Variants in RPL23A observed in about 807,000 individuals in gnomAD.
The protein encoded by RPL23A is ribosomal protein L23a, also known as large ribosomal subunit protein uL23.
Under a neutral mutation model 17.6 loss-of-function variants are expected in RPL23A, and 2 were observed. That is an observed-to-expected ratio of 0.11 (90% CI 0.05 to 0.36). The LOEUF (loss-of-function observed/expected upper bound fraction) is 0.36. Among genes scored for constraint, RPL23A ranks in the 10% least tolerant of loss-of-function variants. The probability of loss-of-function intolerance (pLI) is 1.00; values close to 1 mark genes in which losing one functional copy is unlikely to be tolerated. For missense variants in RPL23A, 132 were observed against 194.4 expected, an observed-to-expected ratio of 0.68 and a Z score of 1.91; for synonymous variants, 65 against 74.3, an observed-to-expected ratio of 0.87 and a Z score of 0.65.
At chr17:28,723,217 G>A (rs1320513254) in intron 3 of RPL23A, 2 of 532,862 alleles carry the variant, frequency 3.8e-6, no homozygotes, top group Non-Finnish European at 6.7e-6. Flanking sequence ...CCTTGAGGCA[G>A]GAATTACAGG....
At chr17:28,722,282 G>A (rs1007601304) in intron 2 of RPL23A, 3 of 236,514 alleles carry the variant, frequency 1.3e-5, no homozygotes, top group South Asian at 4.9e-5. Context: ...CCCCTGGCCC[G>A]ATTCTCCTGC....
chr17:28,722,556 T>TG (rs765855934), intron 2 of RPL23A, 167 bp from the exon 3 acceptor site: 1 of 773,502 alleles, frequency 1.3e-6, no homozygotes, highest in East Asian at 2.5e-5. Flanking sequence ...CCCCTGGGAT[T>TG]GGGGCTTCAG....
chr17:28,723,956 T>A lies in RPL23A; in HGVS notation c.*75T>A. 1 of 1,136,610 alleles carries A rather than the reference T, an allele frequency of 8.8e-7. No homozygotes were observed. Among genetic ancestry groups the A allele is most frequent in the Non-Finnish European group, 1.2e-6 (1 of 802,138 alleles). 70.4% of individuals were successfully genotyped at this position (1,136,610 alleles called of 1,614,324 possible). A position where few individuals can be genotyped will look rare whatever the true frequency, so the allele number is the denominator to read the frequency against. ...ACCATATACATGCCTGTCTGTCAAT[T>A]TCTGGTTGGGCTGGGAGGCCACACA... On this transcript the variant is annotated 3_prime_UTR_variant, in exon 5 of 5. Coordinates refer to ENST00000422514, the MANE Select transcript of RPL23A (RefSeq NM_000984.6).
chr17:28,720,602 G>C, intron 1 of RPL23A, 105 bp from the exon 2 acceptor site: 1 of 1,400,428 alleles, frequency 7.1e-7, no homozygotes. Context: ...GTCTTCAAAG[G>C]AACCACTGAT....
Position 28,720,756 on chromosome 17 carries a change from G to A in RPL23A, c.75G>A (p.Lys25=), listed in dbSNP as rs1051962125. ...CCAAAGCGAAGGCTTTAAAGGCCAA[G>A]AAGGCAGTGTTGAAAGGTGTCCACA... The part of the protein sequence containing the change: ...AEAKAKALKA[K]KAVLKGVHSH... Residue 25 remains lysine, a synonymous_variant, in exon 2 of 5, where the codon AAG becomes AAA. Coordinates refer to ENST00000422514, the MANE Select transcript of RPL23A (RefSeq NM_000984.6). The A allele has an allele frequency of 2.5e-6, 4 of 1,613,778 alleles. No homozygotes were observed. The African/African-American group carries it at 5.3e-5, about 22-fold the overall frequency.
chr17:28,720,519 C>CT, intron 1 of RPL23A, 188 bp from the exon 2 acceptor site: 1 of 1,521,616 alleles, frequency 6.6e-7, no homozygotes, highest in Non-Finnish European at 9.1e-7. Flanking sequence ...CCTGGAGTTA[C>CT]TTAGAGTTGG....
chr17:28,720,357 C>A, intron 1 of RPL23A: 2 of 1,554,800 alleles, frequency 1.3e-6, no homozygotes, highest in Non-Finnish European at 1.7e-6. Flanking sequence ...CAGCTTTAAC[C>A]ATTTTCCTTC....
chr17:28,723,163 G>A lies in RPL23A; in HGVS notation c.386+264G>A, dbSNP rs114670239. ...CTGGACCTTTCAGCAGGGGAAAAAGGTTCCTTGACTTAAACTTGGTGTAGG... is the reference window on the plus strand; with the variant it reads ...CTGGACCTTTCAGCAGGGGAAAAAGATTCCTTGACTTAAACTTGGTGTAGG... On this transcript the variant is annotated intron_variant, in intron 3 of 4. Transcript: ENST00000422514. The A allele has an allele frequency of 9.1e-4, 483 of 532,096 alleles. 4 individuals are homozygous for A. The highest frequency in any genetic ancestry group is 7.4e-3 in the African/African-American group (389 of 52,394). 33.0% of individuals were successfully genotyped at this position (532,096 alleles called of 1,614,324 possible).
At chr17:28,722,455 C>T in intron 2 of RPL23A, 1 of 565,474 alleles carries the variant, frequency 1.8e-6, no homozygotes, top group Non-Finnish European at 3.4e-6. Flanking sequence ...GGGAATACAG[C>T]CATGAGCCAG....
intron 2 of RPL23A, chr17:28,721,300 GCGGAGATCGTA>G (rs1305148799): frequency 5.4e-6 from 1 of 185,886 alleles, no homozygotes; most frequent in Non-Finnish European, 1.2e-5. Context: ...GTTGCGGTGA[GCGGAGATCGTA>G]CCATTGCATT....
intron 1 of RPL23A, chr17:28,720,243 C>T (rs970663002): frequency 1.9e-6 from 3 of 1,540,116 alleles, no homozygotes; most frequent in Non-Finnish European, 2.6e-6. Context: ...GGCAACGCGG[C>T]AGGCATCATC....
intron 4 of RPL23A, 49 bp downstream of exon 4, chr17:28,723,689 A>G (rs368791126): frequency 6.5e-7 from 1 of 1,540,296 alleles, no homozygotes; most frequent in Non-Finnish European, 9.0e-7. Context: ...TTGGGTGCAA[A>G]TGATGCATAT....
chr17:28,722,562 T>G, intron 2 of RPL23A, 161 bp from the exon 3 acceptor site: 1 of 779,018 alleles, frequency 1.3e-6, no homozygotes. Flanking sequence ...GGATTGGGGC[T>G]TCAGGCCCTT....
In RPL23A at chr17:28,720,846, G is replaced by C. The variant is rs1597795627; in HGVS notation, c.165G>C (p.Arg55=). The stretch of plus-strand genomic sequence containing the variant: ...GGCGGCCGAAGACACTGCGACTCCG[G>C]AGACAGCCCAAATATCCTCGGAAGA... ...TFRRPKTLRL[R]RQPKYPRKSA... is the part of the protein sequence containing the mutation. Residue 55 remains arginine (R), a synonymous_variant, in exon 2 of 5, where the codon CGG becomes CGC. Coordinates refer to ENST00000422514, the MANE Select transcript of RPL23A (RefSeq NM_000984.6). The C allele has an allele frequency of 2.5e-6, 4 of 1,614,160 alleles. No homozygotes were observed. Among genetic ancestry groups the C allele is most frequent in the African/African-American group, 1.3e-5 (1 of 75,050 alleles).
chr17:28,723,385 G>T, intron 3 of RPL23A, 186 bp from the exon 4 acceptor site: 1 of 765,016 alleles, frequency 1.3e-6, no homozygotes, highest in Middle Eastern at 2.3e-4. Context: ...GGCCTGTGGT[G>T]TTTCCCATAA....
In RPL23A at chr17:28,720,039, T is replaced by C. The variant is rs1197142184; in HGVS notation, c.25+9T>C. ...GAAAGCGAAGAAGGAAGGTGTGTGT[T>C]GGTGATGGGGCCGCAGCTGGTTTAC... On this transcript the variant is annotated intron_variant, in intron 1 of 4. Transcript: ENST00000422514. The C allele has an allele frequency of 2.2e-5, 34 of 1,551,602 alleles. No homozygotes were observed. The East Asian group carries it at 7.8e-4, about 36-fold the overall frequency.
intron 2 of RPL23A, chr17:28,721,348 C>CT (rs1489996812): frequency 6.6e-6 from 1 of 150,730 alleles, no homozygotes; most frequent in Non-Finnish European, 1.5e-5. Context: ...GAGTGAAACT[C>CT]TGTCTCAAAA....
At chr17:28,720,649 G>A in intron 1 of RPL23A, 58 bp from the exon 2 acceptor site, 2 of 1,589,042 alleles carry the variant, frequency 1.3e-6, no homozygotes, top group Non-Finnish European at 1.7e-6. Flanking sequence ...CAGTTCTTGG[G>A]GCCGGAAGTG....
Position 28,724,159 on chromosome 17 carries a change from G to GTATAA in RPL23A, c.*278_*279insTATAA. ...CATGGTTGAGTAACAAGCTGTACAA[G>GTATAA]AACCCCTTTTATCCCTGGAAGAGGC... is the stretch of plus-strand genomic sequence containing the variant. On this transcript the variant is annotated 3_prime_UTR_variant, in exon 5 of 5. Transcript: ENST00000422514. 2 of 507,800 alleles carry GTATAA rather than the reference G, an allele frequency of 3.9e-6. No individual in the cohort carries two copies. The highest frequency in any genetic ancestry group is 6.8e-6 in the Non-Finnish European group (2 of 292,134). 31.5% of individuals were successfully genotyped at this position (507,800 alleles called of 1,614,324 possible).
Sources: allele counts gnomAD v4.1 joint callset, GRCh38; gene constraint gnomAD v4.1.1; transcripts MANE v1.5; gene names NCBI Gene and HGNC (gene_info 2026-07-23, HGNC 2026-07-21).